Variants in TCOF1 observed in about 807,000 individuals in gnomAD.
The protein encoded by TCOF1 is treacle ribosome biogenesis factor 1.
TCOF1 carries 33 observed loss-of-function variants against 149.0 expected under a neutral mutation model. That is an observed-to-expected ratio of 0.22 (90% CI 0.17 to 0.30). The LOEUF is 0.30. Among genes scored for constraint, TCOF1 ranks in the 10% least tolerant of loss-of-function variants. The probability of loss-of-function intolerance (pLI) is 1.00; values close to 1 mark genes in which losing one functional copy is unlikely to be tolerated. For synonymous variants in TCOF1, 789 were observed against 738.8 expected (o/e 1.07, Z -1.10); for missense variants, 1,728 against 1,840.7 (o/e 0.94, Z 1.12).
At chr5:150,375,641 C>T in intron 11 of TCOF1, 80 bp from the exon 12 acceptor site, 2 of 1,612,290 alleles carry the variant, frequency 1.2e-6, no homozygotes, top group Non-Finnish European at 1.7e-6. Context: ...CACTGGGACT[C>T]TGTCTACAAT....
At chr5:150,373,954 A>G (rs1178753221) in intron 7 of TCOF1, among the ~76,000 whole-genome samples, 1 of 152,118 alleles carries the variant, frequency 6.6e-6, no homozygotes, top group Non-Finnish European at 1.5e-5. Context: ...GTGAAATGGA[A>G]CAGGGGGCAT....
At position 150,396,814 on chromosome 5, in the gene TCOF1, C is replaced by T; in HGVS notation, c.4317C>T (p.Ser1439=). Residue 1439 remains serine (S), a synonymous_variant, in exon 24 of 27, where the codon AGC becomes AGT. Transcript: ENST00000643257. ...VEGGDQSNPK[S]KKEKKKSDKR... Reference sequence around the variant, plus strand: ...GTGGAGATCAAAGCAACCCAAAGAGCAAGAAGGAGAAGAAGAAATCCGACA... The same window carrying T: ...GTGGAGATCAAAGCAACCCAAAGAGTAAGAAGGAGAAGAAGAAATCCGACA... 6.2e-7 allele frequency: 1 copy of T among 1,607,142 alleles called. No homozygotes were observed. The highest frequency in any genetic ancestry group is 8.5e-7 in the Non-Finnish European group (1 of 1,177,270).
Position 150,368,730 on chromosome 5 carries a change from A to G in TCOF1, c.393A>G (p.Lys131=), listed in dbSNP as rs780705682. The G allele has an allele frequency of 6.2e-7, 1 of 1,614,066 alleles. No individual in the cohort carries two copies. The highest frequency in any genetic ancestry group is 2.2e-5 in the East Asian group (1 of 44,890). The change falls in exon 5 of 27, where the codon AAA becomes AAG. Residue 131 remains lysine, a synonymous_variant. Coordinates refer to ENST00000643257, the MANE Select transcript of TCOF1 (RefSeq NM_001371623.1). ...MKEKAKAETE[K]AGKTGNSMPH... ...GTTCTCTGTAGGCAGAGACAGAGAA[A>G]GCTGGCAAGACTGGGAATTCCATGC...
chr5:150,389,826 G>C lies in TCOF1; in HGVS notation c.3047-61G>C, dbSNP rs546200139. ...CAGGCCGGTAAATTGGGTTATTGCC[G>C]CTGCTGAGGAGGCGATGGGGCTTTT... On this transcript the variant is annotated intron_variant, in intron 18 of 26. Coordinates refer to ENST00000643257, the MANE Select transcript of TCOF1 (RefSeq NM_001371623.1). 4 of 1,613,234 alleles carry C rather than the reference G, an allele frequency of 2.5e-6. No homozygotes were observed. In the Admixed American group the frequency reaches 6.7e-5, roughly 27 times the overall value.
intron 20 of TCOF1, 143 bp downstream of exon 20, chr5:150,391,800 G>A (rs1395221571): frequency 8.6e-7 from 1 of 1,166,234 alleles, no homozygotes; most frequent in African/African-American, 1.5e-5. Context: ...TAATCTGTAA[G>A]AAGGAATTAC....
At chr5:150,399,368 CG>C (rs1254536408) in intron 26 of TCOF1, among the ~76,000 whole-genome samples, 1 of 152,140 alleles carries the variant, frequency 6.6e-6, no homozygotes, top group East Asian at 1.9e-4. Context: ...TAGGTGAGGT[CG>C]GATACAGCTT....
chr5:150,393,103 C>A, intron 22 of TCOF1: 1 of 590,802 alleles, frequency 1.7e-6, no homozygotes, highest in Non-Finnish European at 3.0e-6. Flanking sequence ...CTGTATGTGG[C>A]AAAAGCTAGT....
intron 1 of TCOF1, among the ~76,000 whole-genome samples, chr5:150,358,446 A>G (rs114556488): frequency 0.02 from 3,056 of 152,286 alleles, 109 homozygotes; most frequent in African/African-American, 0.07. Context: ...GGTGAGCACC[A>G]TCTCTCAGCC....
Position 150,375,096 on chromosome 5 carries a change from A to C in TCOF1, c.1421A>C (p.Asp474Ala). The C allele has an allele frequency of 6.2e-7, 1 of 1,614,092 alleles. No homozygotes were observed. The highest frequency in any genetic ancestry group is 8.5e-7 in the Non-Finnish European group (1 of 1,180,014). Residue 474 changes from aspartate (D) to alanine (A), a missense_variant, in exon 10 of 27, where the codon GAC (aspartate) becomes GCC (alanine). Asp to Ala is a moderately radical substitution (Grantham distance 126). This residue lies in a region of TCOF1 where 1,696 missense variants were observed against 1,765.4 expected (regional missense o/e 0.96). Coordinates refer to ENST00000643257, the MANE Select transcript of TCOF1 (RefSeq NM_001371623.1). ...AQVQVGKQEE[D>A]SRSSSEESDS... ...GTCCAGGTGGGGAAGCAGGAGGAGG[A>C]CTCAAGAAGCAGCAGCGAGGAGTCA...
intron 3 of TCOF1, 132 bp downstream of exon 3, chr5:150,364,384 T>C: frequency 7.5e-7 from 1 of 1,341,776 alleles, no homozygotes; most frequent in Non-Finnish European, 1.0e-6. Flanking sequence ...GGGCACCACA[T>C]ATCTTTGGCA....
At chr5:150,397,851 C>A (rs934948796) in intron 24 of TCOF1, among the ~76,000 whole-genome samples, 1 of 152,190 alleles carries the variant, frequency 6.6e-6, no homozygotes, top group Non-Finnish European at 1.5e-5. Context: ...ATGGATGGGA[C>A]AGAAATCATG....
intron 6 of TCOF1, among the ~76,000 whole-genome samples, chr5:150,371,296 G>A (rs1430737186): frequency 5.9e-5 from 9 of 151,926 alleles, no homozygotes; most frequent in Non-Finnish European, 8.8e-5. Flanking sequence ...TCACCCTTGC[G>A]CCCTAGATAC....
At chr5:150,371,411 C>T (rs1375178280) in intron 6 of TCOF1, among the ~76,000 whole-genome samples, 2 of 152,192 alleles carry the variant, frequency 1.3e-5, no homozygotes, top group Non-Finnish European at 2.9e-5. Context: ...TGGGCTGAGG[C>T]TGTGCAGAGC....
chr5:150,384,822 T>C, intron 17 of TCOF1: 1 of 985,482 alleles, frequency 1.0e-6, no homozygotes. Flanking sequence ...ATTATGATTA[T>C]TTTCATTATT....
chr5:150,365,253 C>CTTTTTTTTTT (rs991524826), intron 3 of TCOF1, among the ~76,000 whole-genome samples: 1 of 116,490 alleles, frequency 8.6e-6, no homozygotes, highest in Non-Finnish European at 1.8e-5. Context: ...CTTTTTCTTT[C>CTTTTTTTTTT]TTTTTTTTTT....
intron 6 of TCOF1, among the ~76,000 whole-genome samples, chr5:150,371,707 G>T (rs1397388334): frequency 6.6e-6 from 1 of 152,204 alleles, no homozygotes; most frequent in Non-Finnish European, 1.5e-5. Context: ...CTCAGGCCAA[G>T]CCCGGTGTGT....
At chr5:150,369,386 A>G (rs745640388) in intron 5 of TCOF1, 143 bp from the exon 6 acceptor site, 18 of 907,214 alleles carry the variant, frequency 2.0e-5, no homozygotes, top group Non-Finnish European at 3.2e-5. Flanking sequence ...AGGGGGCTTC[A>G]CAGCTCAGTG....
intron 17 of TCOF1, chr5:150,384,183 G>A: frequency 9.8e-7 from 1 of 1,020,376 alleles, no homozygotes; most frequent in Non-Finnish European, 1.2e-6. Context: ...CACACCTCCA[G>A]CAATAGGGTG....
Position 150,375,622 on chromosome 5 carries a change from C to A in TCOF1, c.1704+68C>A, listed in dbSNP as rs41287126. Reference sequence around the variant, plus strand: ...TCAGAGTGGAGCTGCCTGTGGCCTCCCAACCTCACACTGGGACTCTGTCTA... The same window carrying A: ...TCAGAGTGGAGCTGCCTGTGGCCTCACAACCTCACACTGGGACTCTGTCTA... On this transcript the variant is annotated intron_variant, in intron 11 of 26. Coordinates refer to ENST00000643257, the MANE Select transcript of TCOF1 (RefSeq NM_001371623.1). The A allele has an allele frequency of 1.9e-6, 3 of 1,612,576 alleles. No individual in the cohort carries two copies. In the African/African-American group the frequency reaches 4.0e-5, roughly 22 times the overall value.
Sources: gnomAD v4.1 joint callset for allele counts (sites outside exome capture counted in the v4.1 genomes callset) on GRCh38, gnomAD v4.1.1 for gene constraint, gnomAD v4.1.1 regional missense constraint, MANE v1.5 for transcripts, NCBI Gene and HGNC (gene_info 2026-07-23, HGNC 2026-07-21) for gene names.